TJP2: variants seen among roughly 807,000 people sequenced by gnomAD.
The protein encoded by TJP2 is tight junction protein 2.
Under a neutral mutation model 133.1 loss-of-function variants are expected in TJP2, and 91 were observed. The ratio of observed to expected loss-of-function variants is 0.68; its 90% CI spans 0.58 to 0.81. The LOEUF (loss-of-function observed/expected upper bound fraction) is 0.81, where lower values mean the gene tolerates loss of function less well. TJP2 is among the 40% of genes least tolerant of loss of function. The pLI, the probability that TJP2 is intolerant of heterozygous loss-of-function variation, is 0.00. For missense variants in TJP2, 1,541 were observed against 1,565.6 expected (o/e 0.98, Z 0.26); for synonymous variants, 592 against 583.4 (o/e 1.01, Z -0.21).
At position 69,123,890 on chromosome 9, in the gene TJP2, C is replaced by T. The variant is rs1822242305; in HGVS notation, c.-131+2165C>T. Among the ~76,000 whole-genome samples, 8 of 75,936 alleles carry T rather than the reference C, an allele frequency of 1.1e-4. 4 individuals are homozygous for T. The South Asian group carries it at 2.9e-3, about 27-fold the overall frequency. The allele number at this position is 75,936 out of a possible 152,430, so 49.8% of individuals were successfully genotyped here. On this transcript the variant is annotated intron_variant, in intron 1 of 5. Coordinates refer to the TJP2 transcript ENST00000423935. ...TTTATTTTATTTATTTATTTTGAGACGGAGTCTCGCTCTGTCGCCCAGGCT... is the reference window on the plus strand; with the variant it reads ...TTTATTTTATTTATTTATTTTGAGATGGAGTCTCGCTCTGTCGCCCAGGCT...
In TJP2 at chr9:69,230,075, A is replaced by C. The variant is rs373242928; in HGVS notation, c.1521-7A>C. 101 of 1,613,970 alleles carry C rather than the reference A, an allele frequency of 6.3e-5. No individual in the cohort carries two copies. The highest frequency in any genetic ancestry group is 7.6e-6 in the Non-Finnish European group (9 of 1,179,988). ...ATCTTTCCTTTCTGAAACGGAACCT[A>C]TTGCAGCCCTAATACCAAAATGGTA... On this transcript the variant is annotated splice_polypyrimidine_tract_variant and splice_region_variant and intron_variant, in intron 10 of 22. Transcript: ENST00000377245.
intron 1 of TJP2, among the ~76,000 whole-genome samples, chr9:69,207,080 T>C (rs943129887): frequency 5.3e-5 from 8 of 152,188 alleles, no homozygotes; most frequent in African/African-American, 1.7e-4. Context: ...CTGAATGTTA[T>C]GTTTTTCATT....
rs41277901 is a variant in TJP2, at chr9:69,229,208, G to A, written c.1478G>A (p.Arg493Lys). ...GCTCCTCAACCAAAAGCAGCCCCGA[G>A]AACTTTTCTTCGTCCTAGTCCTGAA... ...PPAPQPKAAP[R>K]TFLRPSPEDE... Residue 493 changes from arginine to lysine, a missense_variant, in exon 10 of 23, where the codon AGA becomes AAA. Transcript: ENST00000377245. 3.3e-3 allele frequency: 5,403 copies of A among 1,614,078 alleles called. 70 individuals are homozygous for A. In the African/African-American group the frequency reaches 0.037, roughly 11 times the overall value.
At chr9:69,254,081 C>A in intron 22 of TJP2, 128 bp from the exon 23 acceptor site, 6 of 1,091,808 alleles carry the variant, frequency 5.5e-6, no homozygotes, top group Non-Finnish European at 7.0e-6. Flanking sequence ...GGTTGCTCTG[C>A]AGAATGTGGC....
chr9:69,207,834 A>G (rs2133175119), intron 1 of TJP2, among the ~76,000 whole-genome samples: 1 of 152,360 alleles, frequency 6.6e-6, no homozygotes, highest in African/African-American at 2.4e-5. Context: ...GCCTGTGCCC[A>G]GGGATGTTCC....
intron 1 of TJP2, among the ~76,000 whole-genome samples, chr9:69,211,708 GTTTTAT>G (rs1827927043): frequency 6.6e-6 from 1 of 152,102 alleles, no homozygotes; most frequent in Non-Finnish European, 1.5e-5. Context: ...ATTCTCCAGG[GTTTTAT>G]TTTTAGTTAT....
intron 1 of TJP2, among the ~76,000 whole-genome samples, chr9:69,146,642 C>T (rs1823223295): frequency 6.6e-6 from 1 of 152,172 alleles, no homozygotes; most frequent in Admixed American, 6.5e-5. Flanking sequence ...CCCAAGAGAA[C>T]TACTAGAATC....
At chr9:69,159,141 CA>C (rs923883295) in intron 2 of TJP2, among the ~76,000 whole-genome samples, 1 of 151,062 alleles carries the variant, frequency 6.6e-6, no homozygotes, top group Non-Finnish European at 1.5e-5. Flanking sequence ...TCTGTCTCTA[CA>C]AAAAATACCA....
chr9:69,223,459 C>T (rs371735675), intron 5 of TJP2, among the ~76,000 whole-genome samples: 2 of 152,184 alleles, frequency 1.3e-5, no homozygotes, highest in Admixed American at 1.3e-4. Flanking sequence ...AGGCGCCCGC[C>T]ACCACACCCG....
chr9:69,220,202 T>A (rs1235207133), intron 4 of TJP2, among the ~76,000 whole-genome samples: 1 of 152,204 alleles, frequency 6.6e-6, no homozygotes, highest in East Asian at 1.9e-4. Flanking sequence ...ATTTTAAAAA[T>A]TTATGCATAA....
intron 1 of TJP2, among the ~76,000 whole-genome samples, chr9:69,202,550 CAT>C (rs1482912954): frequency 1.1e-4 from 17 of 152,204 alleles, no homozygotes; most frequent in African/African-American, 3.9e-4. Flanking sequence ...CTTACCATAA[CAT>C]AAACAGTCAA....
intron 2 of TJP2, among the ~76,000 whole-genome samples, chr9:69,152,534 G>A (rs1034753084): frequency 1.3e-5 from 2 of 152,186 alleles, no homozygotes; most frequent in African/African-American, 4.8e-5. Flanking sequence ...CACTCCAGAA[G>A]AGCAGATAGT....
Position 69,229,236 on chromosome 9 carries a change from T to C in TJP2, c.1506T>C (p.Asp502=), listed in dbSNP as rs139354927. ...PRTFLRPSPE[D]EAIYGPNTKM... ...CTTTTCTTCGTCCTAGTCCTGAAGA[T>C]GAAGCAATATATGGGTATGTATTTC... The change falls in exon 10 of 23, where the codon GAT becomes GAC. Residue 502 remains aspartate, a synonymous_variant. Transcript: ENST00000377245. The C allele has an allele frequency of 2.0e-4, 321 of 1,614,120 alleles. No individual in the cohort carries two copies. Among genetic ancestry groups the C allele is most frequent in the Non-Finnish European group, 2.6e-4 (305 of 1,179,978 alleles).
At chr9:69,213,167 A>G (rs1828071112) in intron 2 of TJP2, among the ~76,000 whole-genome samples, 1 of 148,228 alleles carries the variant, frequency 6.7e-6, no homozygotes, top group African/African-American at 2.5e-5. Context: ...GGGTTCAAGC[A>G]ATTTTCCTGC....
At chr9:69,250,928 G>A in intron 20 of TJP2, 107 bp from the exon 21 acceptor site, 2 of 1,174,068 alleles carry the variant, frequency 1.7e-6, no homozygotes, top group Non-Finnish European at 2.5e-6. Flanking sequence ...GGTATTTGTG[G>A]ACCACCTTTG....
At chr9:69,226,914 C>A (rs1563933416) in intron 7 of TJP2, among the ~76,000 whole-genome samples, 1 of 152,318 alleles carries the variant, frequency 6.6e-6, no homozygotes, top group East Asian at 1.9e-4. Context: ...TTGTGGCATT[C>A]ATTAATTAGC....
At chr9:69,148,050 G>A (rs1363002468) in intron 1 of TJP2, among the ~76,000 whole-genome samples, 3 of 151,364 alleles carry the variant, frequency 2.0e-5, no homozygotes, top group African/African-American at 7.3e-5. Context: ...TCAGCCTCCC[G>A]AGTAGCTTGG....
At chr9:69,136,305 G>C (rs1490425846) in intron 1 of TJP2, among the ~76,000 whole-genome samples, 1 of 152,146 alleles carries the variant, frequency 6.6e-6, no homozygotes, top group Non-Finnish European at 1.5e-5. Flanking sequence ...GATCACTTGA[G>C]ACCAGAAGTT....
At position 69,221,363 on chromosome 9, in the gene TJP2, C is replaced by T; in HGVS notation, c.819C>T (p.Ala273=). 6.3e-7 allele frequency: 1 copy of T among 1,584,934 alleles called. No individual in the cohort carries two copies. The highest frequency in any genetic ancestry group is 8.6e-7 in the Non-Finnish European group (1 of 1,166,214). Residue 273 remains alanine, a synonymous_variant, in exon 5 of 23, where the codon GCC becomes GCT. Transcript: ENST00000377245. ...ACAGCCCGGAGTACAGGCGCGGGGC[C>T]CGCCACGATGCCCGCTCTCGGGGAC... ...RAYSPEYRRG[A]RHDARSRGPR...
Sources: allele counts gnomAD v4.1 joint callset (sites outside exome capture counted in the v4.1 genomes callset), GRCh38; gene constraint gnomAD v4.1.1; transcripts MANE v1.5; gene names NCBI Gene and HGNC (gene_info 2026-07-23, HGNC 2026-07-21).